The following CELF1 variants were observed in gnomAD, a reference collection of about 807,000 sequenced individuals.
The protein encoded by CELF1 is 50 kDa nuclear polyadenylated RNA-binding protein.
CELF1 carries 10 observed loss-of-function variants against 61.8 expected under a neutral mutation model. The observed-to-expected ratio is 0.16, with a 90% confidence interval of 0.10 to 0.27. CELF1 has a LOEUF of 0.27. CELF1 is among the 10% of genes least tolerant of loss of function. The pLI is 1.00. For missense variants in CELF1, 380 were observed against 639.1 expected (o/e 0.59, Z 4.37); for synonymous variants, 236 against 225.1 (o/e 1.05, Z -0.43).
chr11:47,531,056 G>A (rs1026659512), intron 1 of CELF1, among the ~76,000 whole-genome samples: 1 of 151,948 alleles, frequency 6.6e-6, no homozygotes, highest in African/African-American at 2.4e-5. Context: ...AGACCAGCCT[G>A]GCCAATTTGG....
intron 1 of CELF1, among the ~76,000 whole-genome samples, chr11:47,547,444 G>A (rs1190783536): frequency 1.1e-4 from 17 of 152,090 alleles, no homozygotes; most frequent in Admixed American, 5.2e-4. Flanking sequence ...TTGGGAGGCC[G>A]AGGCGGGCAG....
At chr11:47,541,793 C>CGAAAGAAAGAAAGAAAGAAA (rs1177250671) in intron 1 of CELF1, among the ~76,000 whole-genome samples, 1 of 13,832 alleles carries the variant, frequency 7.2e-5, no homozygotes, top group African/African-American at 1.4e-4. Context: ...AAAGAAAGAA[C>CGAAAGAAAGAAAGAAAGAAA]GAAAGAAAGA....
chr11:47,562,306 G>A (rs1458787354), intron 2 of CELF1, among the ~76,000 whole-genome samples: 2 of 151,296 alleles, frequency 1.3e-5, no homozygotes, highest in Non-Finnish European at 2.9e-5. Flanking sequence ...CAGGCAGATC[G>A]CTTGAGTCCA....
At chr11:47,508,000 T>C (rs1444939027) in intron 1 of CELF1, among the ~76,000 whole-genome samples, 2 of 152,170 alleles carry the variant, frequency 1.3e-5, no homozygotes, top group South Asian at 2.1e-4. Flanking sequence ...TTTACTAAGT[T>C]CACAAACTTC....
intron 10 of CELF1, 86 bp downstream of exon 10, chr11:47,478,791 G>T: frequency 9.0e-7 from 1 of 1,107,302 alleles, no homozygotes; most frequent in Non-Finnish European, 1.3e-6. Context: ...TGTTTTCACA[G>T]AAACGATGCC....
chr11:47,507,498 G>A (rs1224924187), intron 1 of CELF1, among the ~76,000 whole-genome samples: 3 of 151,874 alleles, frequency 2.0e-5, no homozygotes, highest in African/African-American at 7.3e-5. Flanking sequence ...GTTAATTGAT[G>A]GTAAAAGCAA....
At position 47,482,130 on chromosome 11, in the gene CELF1, G is replaced by A. The variant is rs547012561; in HGVS notation, c.768+565C>T. The stretch of plus-strand genomic sequence containing the variant: ...AGGCAGGAGAATCACTTGAACCCGA[G>A]GTGGAGGTTGCAGTAAGCCAAGATT... On this transcript the variant is annotated intron_variant, in intron 9 of 14. Coordinates refer to ENST00000687097, the MANE Select transcript of CELF1 (RefSeq NM_001376376.1). Among the ~76,000 whole-genome samples the A allele has an allele frequency of 3.9e-5, 6 of 152,294 alleles. 1 individual carries two copies. Among genetic ancestry groups the A allele is most frequent in the African/African-American group, 1.4e-4 (6 of 41,568 alleles).
Position 47,559,321 on chromosome 11 carries a change from T to C in CELF1, c.-11+5030A>G, listed in dbSNP as rs138507787. On this transcript the variant is annotated intron_variant, in intron 2 of 3. Transcript: ENST00000525841. ...ATCTTGTGATCTGCCCGCCTCAGGC[T>C]TCCAAAGTGCTGGGATTATAGGCAT... 5.1e-4 allele frequency among the ~76,000 whole-genome samples: 77 copies of C among 151,334 alleles called. 3 individuals carry two copies. The highest frequency in any genetic ancestry group is 1.7e-3 in the African/African-American group (72 of 41,232).
intron 1 of CELF1, among the ~76,000 whole-genome samples, chr11:47,509,999 T>C (rs1312673459): frequency 6.7e-6 from 1 of 149,918 alleles, no homozygotes; most frequent in Non-Finnish European, 1.5e-5. Context: ...GAAGCGGAGG[T>C]TGCAGTGAGC....
chr11:47,538,972 G>T lies in CELF1; in HGVS notation c.-154+14020C>A, dbSNP rs149293172. ...CATTCACCATTACCCTTTGTTTAAA[G>T]TCTCAACAGCCATTCAACCCACATT... On this transcript the variant is annotated intron_variant, in intron 1 of 14. Coordinates refer to ENST00000687097, the MANE Select transcript of CELF1 (RefSeq NM_001376376.1). Among the ~76,000 whole-genome samples, 54 of 152,214 alleles carry T rather than the reference G, an allele frequency of 3.5e-4. No individual in the cohort carries two copies. In the East Asian group the frequency reaches 9.9e-3, roughly 28 times the overall value.
At chr11:47,504,010 C>CA (rs2094231067) in intron 1 of CELF1, among the ~76,000 whole-genome samples, 1 of 151,636 alleles carries the variant, frequency 6.6e-6, no homozygotes, top group Admixed American at 6.6e-5. Context: ...CCTATCTCTA[C>CA]AAAAAAATAC....
At position 47,499,594 on chromosome 11, in the gene CELF1, G is replaced by T; in HGVS notation, c.-71C>A. ...CTTGTCTGATCCACAAATACACACAGCTTTAGCTTCCTGGGCCCCACAAAA... is the reference window on the plus strand; with the variant it reads ...CTTGTCTGATCCACAAATACACACATCTTTAGCTTCCTGGGCCCCACAAAA... On this transcript the variant is annotated 5_prime_UTR_variant, in exon 3 of 15. It adds an upstream start codon to the 5' untranslated region. Coordinates refer to ENST00000687097, the MANE Select transcript of CELF1 (RefSeq NM_001376376.1). 8.0e-7 allele frequency: 1 copy of T among 1,255,832 alleles called. No individual in the cohort carries two copies. The highest frequency in any genetic ancestry group is 1.1e-6 in the Non-Finnish European group (1 of 895,298). 77.8% of individuals were successfully genotyped at this position (1,255,832 alleles called of 1,614,324 possible).
At chr11:47,482,561 C>T in intron 9 of CELF1, 134 bp downstream of exon 9, 1 of 740,478 alleles carries the variant, frequency 1.4e-6, no homozygotes, top group Non-Finnish European at 2.2e-6. Context: ...AGAAATAGTA[C>T]TACCTGAATT....
intron 1 of CELF1, among the ~76,000 whole-genome samples, chr11:47,504,768 G>T (rs927595062): frequency 3.3e-5 from 5 of 150,588 alleles, no homozygotes; most frequent in African/African-American, 1.2e-4. Context: ...CGGATGTGGT[G>T]GCAGGTGCCT....
chr11:47,563,862 A>T (rs1416428817), intron 2 of CELF1, among the ~76,000 whole-genome samples: 1 of 151,708 alleles, frequency 6.6e-6, no homozygotes, highest in East Asian at 1.9e-4. Context: ...CTCTACTAAA[A>T]ATACAAAACT....
chr11:47,489,135 C>A (rs2089548716), intron 3 of CELF1, 111 bp from the exon 4 acceptor site: 2 of 934,902 alleles, frequency 2.1e-6, no homozygotes, highest in Admixed American at 7.4e-5. Flanking sequence ...GAAAAAAAAT[C>A]TACTTCTTTC....
intron 2 of CELF1, chr11:47,499,831 C>G: frequency 3.3e-6 from 1 of 300,400 alleles, no homozygotes; most frequent in Non-Finnish European, 6.3e-6. Context: ...AGTGCACTGT[C>G]AGATAAATAG....
intron 1 of CELF1, among the ~76,000 whole-genome samples, chr11:47,547,853 G>A (rs1233086052): frequency 1.3e-5 from 2 of 152,038 alleles, no homozygotes; most frequent in African/African-American, 4.8e-5. Context: ...ATAGATTAGA[G>A]GCTACCAGAG....
intron 9 of CELF1, among the ~76,000 whole-genome samples, chr11:47,480,568 A>T (rs985134990): frequency 2.0e-5 from 3 of 152,210 alleles, no homozygotes; most frequent in African/African-American, 7.2e-5. Context: ...GGTAGTGGCA[A>T]TGACAACAAA....
Sources: gnomAD v4.1 joint callset for allele counts (sites outside exome capture counted in the v4.1 genomes callset) on GRCh38, gnomAD v4.1.1 for gene constraint, MANE v1.5 for transcripts, NCBI Gene and HGNC (gene_info 2026-07-23, HGNC 2026-07-21) for gene names.